Variants in NFIB observed in about 807,000 individuals in gnomAD.
The protein encoded by NFIB is nuclear factor I B.
NFIB carries 11 observed loss-of-function variants against 61.5 expected under a neutral mutation model. The ratio of observed to expected loss-of-function variants is 0.18; its 90% CI spans 0.11 to 0.30. The LOEUF is 0.30. NFIB is among the 10% of genes least tolerant of loss of function. The pLI, the probability that NFIB is intolerant of heterozygous loss-of-function variation, is 1.00. For synonymous variants in NFIB, 260 were observed against 216.5 expected (o/e 1.20, Z -1.76); for missense variants, 471 against 608.9 (o/e 0.77, Z 2.38).
intron 2 of NFIB, among the ~76,000 whole-genome samples, chr9:14,224,463 T>C (rs747692182): frequency 2.6e-5 from 4 of 152,204 alleles, no homozygotes; most frequent in Non-Finnish European, 5.9e-5. Flanking sequence ...ATGATGTACA[T>C]ACACATGGGC....
At chr9:14,494,627 T>A in the NFIB span, among the ~76,000 whole-genome samples, 911 of 152,368 alleles carry the variant, frequency 6.0e-3, 10 homozygotes, top group Middle Eastern at 0.051. Flanking sequence ...TTATGGCTAT[T>A]GAGACTTCTG....
chr9:14,336,667 G>A (rs1257589221), intron 1 of NFIB, among the ~76,000 whole-genome samples: 3 of 152,228 alleles, frequency 2.0e-5, no homozygotes, highest in African/African-American at 4.8e-5. Context: ...ATGGACCTGC[G>A]CAGTGGCCCA....
rs148391859 is a variant in NFIB at position 14,279,396 on chromosome 9, C to T, written c.562+27593G>A. 4.6e-5 allele frequency among the ~76,000 whole-genome samples: 7 copies of T among 152,242 alleles called. No individual in the cohort carries two copies. The East Asian group carries it at 1.4e-3, about 29-fold the overall frequency. On this transcript the variant is annotated intron_variant, in intron 2 of 10. Transcript: ENST00000380953. ...GTATCCCCTTCCCACTACTTTCACA[C>T]AAACATTTTACCTAAGACTTGACCA...
chr9:14,304,415 T>C (rs1365877013), intron 2 of NFIB, among the ~76,000 whole-genome samples: 1 of 152,214 alleles, frequency 6.6e-6, no homozygotes, highest in African/African-American at 2.4e-5. Context: ...CTGGAAATTG[T>C]CAATATATTG....
chr9:14,167,603 G>A (rs1451809439), intron 3 of NFIB, among the ~76,000 whole-genome samples: 2 of 152,088 alleles, frequency 1.3e-5, no homozygotes, highest in Non-Finnish European at 2.9e-5. Flanking sequence ...GCAACTTATT[G>A]TATGCTATTA....
At chr9:14,531,011 T>C in the NFIB span, among the ~76,000 whole-genome samples, 1 of 151,898 alleles carries the variant, frequency 6.6e-6, no homozygotes, top group Non-Finnish European at 1.5e-5. Flanking sequence ...GTGGAAAGGG[T>C]TCCCCATTCT....
chr9:14,294,340 T>C (rs1171038279), intron 2 of NFIB, among the ~76,000 whole-genome samples: 1 of 152,230 alleles, frequency 6.6e-6, no homozygotes, highest in Non-Finnish European at 1.5e-5. Context: ...TGAGAGGCTA[T>C]GAAAGGCAAC....
intron 2 of NFIB, among the ~76,000 whole-genome samples, chr9:14,275,204 C>A (rs1402052105): frequency 1.3e-5 from 2 of 152,186 alleles, no homozygotes; most frequent in Non-Finnish European, 2.9e-5. Flanking sequence ...GGATCATGGT[C>A]TCTGAGTGCT....
chr9:14,423,248 A>C, the NFIB span, among the ~76,000 whole-genome samples: 1 of 152,174 alleles, frequency 6.6e-6, no homozygotes. Flanking sequence ...AGGATGGTTT[A>C]TTGCTCCTAT....
At chr9:14,494,856 C>T in the NFIB span, among the ~76,000 whole-genome samples, 1 of 152,196 alleles carries the variant, frequency 6.6e-6, no homozygotes, top group Non-Finnish European at 1.5e-5. Flanking sequence ...ACACCATCCA[C>T]TCCGGGCCTT....
intron 6 of NFIB, among the ~76,000 whole-genome samples, chr9:14,127,402 T>G (rs1418832838): frequency 1.3e-5 from 2 of 152,222 alleles, no homozygotes; most frequent in Non-Finnish European, 2.9e-5. Flanking sequence ...AATCCTCACG[T>G]ACCGATAACC....
intron 1 of NFIB, among the ~76,000 whole-genome samples, chr9:14,321,538 A>C (rs1283370003): frequency 6.6e-6 from 1 of 152,220 alleles, no homozygotes; most frequent in East Asian, 1.9e-4. Flanking sequence ...AGAATGCTTC[A>C]AGAGGAGAGA....
At chr9:14,300,458 C>T (rs1486763007) in intron 2 of NFIB, among the ~76,000 whole-genome samples, 2 of 152,180 alleles carry the variant, frequency 1.3e-5, no homozygotes, top group African/African-American at 4.8e-5. Context: ...CAACTTCAAA[C>T]TGGAAAATGC....
At chr9:14,203,168 T>A (rs1026628401) in intron 2 of NFIB, among the ~76,000 whole-genome samples, 37 of 152,088 alleles carry the variant, frequency 2.4e-4, no homozygotes, top group African/African-American at 7.7e-4. Flanking sequence ...CCCCCACATT[T>A]TTTTTTTCCT....
At chr9:14,186,288 T>C (rs1199722447) in intron 2 of NFIB, among the ~76,000 whole-genome samples, 1 of 152,146 alleles carries the variant, frequency 6.6e-6, no homozygotes, top group Non-Finnish European at 1.5e-5. Context: ...CTAAACTTAG[T>C]CATCCTGTGA....
In NFIB at chr9:14,150,217, G is replaced by C. The variant is rs2042709216; in HGVS notation, c.734C>G (p.Pro245Arg). ...TGVNFPIGEI[P>R]SQPYYHDMNS... The stretch of plus-strand genomic sequence containing the variant: ...CATGTCATGATAGTATGGTTGGCTT[G>C]GGATTTCTCCAATTGGGAAGTTGAC... Residue 245 changes from proline (P) to arginine (R), a missense_variant, in exon 5 of 11, where the codon CCA becomes CGA. Pro to Arg is a moderately radical substitution (Grantham distance 103, BLOSUM62 -2). Transcript: ENST00000380953. 6.2e-7 allele frequency: 1 copy of C among 1,613,510 alleles called. No individual in the cohort carries two copies. Among genetic ancestry groups the C allele is most frequent in the Admixed American group, 1.7e-5 (1 of 59,968 alleles).
intron 2 of NFIB, among the ~76,000 whole-genome samples, chr9:14,216,840 T>C (rs919496371): frequency 6.6e-6 from 1 of 152,204 alleles, no homozygotes; most frequent in African/African-American, 2.4e-5. Flanking sequence ...ATGAAAACTG[T>C]TGTCAGACAG....
chr9:14,322,449 G>T (rs923088755), intron 1 of NFIB: 4 of 231,238 alleles, frequency 1.7e-5, no homozygotes, highest in African/African-American at 6.6e-5. Flanking sequence ...CCCCTTCCCC[G>T]CCCTCGGATT....
chr9:14,088,688 G>A (rs1337743543), intron 10 of NFIB, among the ~76,000 whole-genome samples: 1 of 152,148 alleles, frequency 6.6e-6, no homozygotes, highest in Non-Finnish European at 1.5e-5. Context: ...AAGAAAAGCA[G>A]CAATCTGTTG....
Sources: allele counts gnomAD v4.1 joint callset (sites outside exome capture counted in the v4.1 genomes callset), GRCh38; gene constraint gnomAD v4.1.1; transcripts MANE v1.5; gene names NCBI Gene and HGNC (gene_info 2026-07-23, HGNC 2026-07-21).